The following RORA variants were observed in gnomAD, a reference collection of about 807,000 sequenced individuals.
The protein encoded by RORA is RAR related orphan receptor A.
A neutral mutation model predicts 69.5 loss-of-function variants in RORA; 7 were observed. The ratio of observed to expected loss-of-function variants is 0.10; its 90% CI spans 0.06 to 0.19. The LOEUF (loss-of-function observed/expected upper bound fraction) is 0.19. Ranked by LOEUF, RORA falls within the 10% of genes least tolerant of loss-of-function variation. The pLI is 1.00. For synonymous variants in RORA, 261 were observed against 240.8 expected (o/e 1.08, Z -0.78); for missense variants, 457 against 663.0 (o/e 0.69, Z 3.41).
At chr15:60,993,588 A>G (rs1894445735) in intron 1 of RORA, among the ~76,000 whole-genome samples, 1 of 140,800 alleles carries the variant, frequency 7.1e-6, no homozygotes, top group Admixed American at 7.8e-5. Context: ...GGTTGCAGTG[A>G]GCTAAGATCA....
At chr15:61,220,284 T>A (rs1201362373) in intron 1 of RORA, among the ~76,000 whole-genome samples, 1 of 152,242 alleles carries the variant, frequency 6.6e-6, no homozygotes, top group Non-Finnish European at 1.5e-5. Context: ...CCAGTTGCCC[T>A]GTCCCTTCAG....
intron 1 of RORA, among the ~76,000 whole-genome samples, chr15:60,925,199 T>C (rs1381390715): frequency 6.6e-6 from 1 of 152,178 alleles, no homozygotes; most frequent in East Asian, 1.9e-4. Flanking sequence ...AGGCGGACCC[T>C]TGCTGCAGCC....
chr15:60,790,657 A>G (rs1328568075), intron 1 of RORA, among the ~76,000 whole-genome samples: 2 of 152,218 alleles, frequency 1.3e-5, no homozygotes, highest in African/African-American at 4.8e-5. Flanking sequence ...TGAGTCCCCC[A>G]TGAAGGAGAG....
At chr15:60,698,488 T>C (rs1161052921) in intron 1 of RORA, among the ~76,000 whole-genome samples, 1 of 152,216 alleles carries the variant, frequency 6.6e-6, no homozygotes, top group Non-Finnish European at 1.5e-5. Flanking sequence ...AAATTTTAAA[T>C]GTTTTAATGG....
intron 1 of RORA, among the ~76,000 whole-genome samples, chr15:61,077,860 G>C (rs992233420): frequency 6.6e-6 from 1 of 152,088 alleles, no homozygotes; most frequent in Non-Finnish European, 1.5e-5. Context: ...CTCACATGCA[G>C]GCCTGCCCTC....
Position 60,496,548 on chromosome 15 carries a change from C to G in RORA, c.*907G>C, listed in dbSNP as rs1175185318. ...ATAAACACATCTATCATTAAACTTA[C>G]CAAAAAGCAAAGTATAATTTAGGGA... is the stretch of plus-strand genomic sequence containing the variant. On this transcript the variant is annotated 3_prime_UTR_variant, in exon 11 of 11. Transcript: ENST00000335670. The surrounding 1 kb of genome is among the most constrained non-coding windows in gnomAD (Gnocchi z 4.5). 1 of 152,044 alleles carries G rather than the reference C, an allele frequency of 6.6e-6. No individual in the cohort carries two copies. The highest frequency in any genetic ancestry group is 2.4e-5 in the African/African-American group (1 of 41,382). The allele number at this position is 152,044 out of a possible 1,614,324, so 9.4% of individuals were successfully genotyped here. A position where few individuals can be genotyped will look rare whatever the true frequency, so the allele number is the denominator to read the frequency against.
intron 1 of RORA, among the ~76,000 whole-genome samples, chr15:61,211,403 G>A (rs543808092): frequency 1.3e-5 from 2 of 152,128 alleles, no homozygotes; most frequent in South Asian, 2.1e-4. Flanking sequence ...CCGGAGCTCA[G>A]CTTTCAGGTT....
chr15:60,848,806 T>A (rs1314311126), intron 1 of RORA: 1 of 152,152 alleles, frequency 6.6e-6, no homozygotes, highest in Non-Finnish European at 1.5e-5. Flanking sequence ...CTCACTATCG[T>A]GAGAATAGCA....
rs989784611 is a variant in RORA, at chr15:60,491,932, C to T, written c.*5523G>A. On this transcript the variant is annotated 3_prime_UTR_variant, in exon 11 of 11. Coordinates refer to ENST00000335670, the MANE Select transcript of RORA (RefSeq NM_134261.3). ...TTACTGTTGCAATTGCGTTTCTGGG[C>T]ACATTATTTGATCTATAATATAAAG... 1.3e-5 allele frequency: 2 copies of T among 152,032 alleles called. No individual in the cohort carries two copies. The highest frequency in any genetic ancestry group is 2.9e-5 in the Non-Finnish European group (2 of 68,002). 9.4% of individuals were successfully genotyped at this position (152,032 alleles called of 1,614,324 possible).
intron 2 of RORA, among the ~76,000 whole-genome samples, chr15:60,559,900 T>C (rs1239087793): frequency 6.6e-6 from 1 of 152,238 alleles, no homozygotes; most frequent in Non-Finnish European, 1.5e-5. Context: ...TTTATAAATT[T>C]AGCCACTGTT....
chr15:60,647,769 A>T (rs1046699242), intron 2 of RORA, among the ~76,000 whole-genome samples: 4 of 152,230 alleles, frequency 2.6e-5, no homozygotes, highest in African/African-American at 9.6e-5. Context: ...AGAGAAAAGT[A>T]CACATCAGAG....
At chr15:60,937,049 T>C (rs1236049531) in intron 1 of RORA, among the ~76,000 whole-genome samples, 1 of 152,086 alleles carries the variant, frequency 6.6e-6, no homozygotes, top group Non-Finnish European at 1.5e-5. Context: ...CCATATGGAG[T>C]GCTCTATGTT....
At chr15:61,178,785 A>C (rs919907005) in intron 1 of RORA, among the ~76,000 whole-genome samples, 5 of 152,226 alleles carry the variant, frequency 3.3e-5, no homozygotes, top group Non-Finnish European at 7.3e-5. Flanking sequence ...TATAAATGAC[A>C]AACAACCTAG....
intron 1 of RORA, among the ~76,000 whole-genome samples, chr15:61,160,209 C>A (rs2079482183): frequency 6.6e-6 from 1 of 152,194 alleles, no homozygotes; most frequent in South Asian, 2.1e-4. Flanking sequence ...CTACTTCAAA[C>A]AAACAAAAAA....
chr15:61,143,909 GAA>G (rs2079322665), intron 1 of RORA, among the ~76,000 whole-genome samples: 2 of 151,926 alleles, frequency 1.3e-5, no homozygotes, highest in South Asian at 4.1e-4. Flanking sequence ...AAAAGAGAAA[GAA>G]AAAAATGATA....
chr15:60,697,672 T>A (rs1193313426), intron 1 of RORA, among the ~76,000 whole-genome samples: 1 of 152,086 alleles, frequency 6.6e-6, no homozygotes, highest in Non-Finnish European at 1.5e-5. Context: ...GTTCACACAA[T>A]CAGGCCGGTT....
At chr15:60,727,189 T>C (rs1283391408) in intron 1 of RORA, among the ~76,000 whole-genome samples, 1 of 152,220 alleles carries the variant, frequency 6.6e-6, no homozygotes, top group Non-Finnish European at 1.5e-5. Context: ...TTGTTGTTAT[T>C]GTTTTGTTTT....
chr15:60,649,062 C>G (rs1272960087), intron 2 of RORA, among the ~76,000 whole-genome samples: 2 of 152,152 alleles, frequency 1.3e-5, no homozygotes, highest in Non-Finnish European at 2.9e-5. Flanking sequence ...CTGCCAAGTT[C>G]AAGTTGCCGT....
chr15:60,870,569 G>T (rs1475816151), intron 1 of RORA, among the ~76,000 whole-genome samples: 2 of 152,214 alleles, frequency 1.3e-5, no homozygotes, highest in Non-Finnish European at 2.9e-5. Context: ...GGATACATTA[G>T]ACTAAGAAGG....
Sources: gnomAD v4.1 joint callset for allele counts (sites outside exome capture counted in the v4.1 genomes callset) on GRCh38, gnomAD v4.1.1 for gene constraint, Gnocchi (gnomAD v3.1) non-coding constraint, MANE v1.5 for transcripts, NCBI Gene and HGNC (gene_info 2026-07-23, HGNC 2026-07-21) for gene names.